Variants in TAX1BP3 observed in about 807,000 individuals in gnomAD.
The protein encoded by TAX1BP3 is tax1-binding protein 3.
TAX1BP3 carries 13 observed loss-of-function variants against 15.3 expected under a neutral mutation model. That is an observed-to-expected ratio of 0.85 (90% confidence interval 0.55 to 1.35). The LOEUF (loss-of-function observed/expected upper bound fraction) is 1.35, where lower values mean the gene tolerates loss of function less well. Ranked by LOEUF, TAX1BP3 falls within the 40% of genes most tolerant of loss-of-function variation. The pLI is 0.00. For missense variants in TAX1BP3, 147 were observed against 169.6 expected (o/e 0.87, Z 0.74); for synonymous variants, 70 against 66.0 (o/e 1.06, Z -0.30).
In TAX1BP3 at chr17:3,663,587, G is replaced by C; in HGVS notation, c.*161C>G. The stretch of plus-strand genomic sequence containing the variant: ...CCGGTCCCAGAGGCCCCAGGCCAGG[G>C]ATGGGAGAAGGGAAGGAAGGCCAGG... On this transcript the variant is annotated 3_prime_UTR_variant, in exon 4 of 4. Coordinates refer to ENST00000225525, the MANE Select transcript of TAX1BP3 (RefSeq NM_014604.4). The C allele has an allele frequency of 1.8e-6, 2 of 1,095,884 alleles. No homozygotes were observed. The highest frequency in any genetic ancestry group is 2.5e-6 in the Non-Finnish European group (2 of 810,416). The allele number at this position is 1,095,884 out of a possible 1,614,324, so 67.9% of individuals were successfully genotyped here. A position where few individuals can be genotyped will look rare whatever the true frequency, so the allele number is the denominator to read the frequency against.
chr17:3,665,787 C>T (rs1050573888), intron 1 of TAX1BP3: 26 of 647,186 alleles, frequency 4.0e-5, no homozygotes, highest in Admixed American at 1.1e-4. Flanking sequence ...AAGGGCTTGC[C>T]GGCCACGGGG....
intron 1 of TAX1BP3, among the ~76,000 whole-genome samples, chr17:3,667,953 G>A: frequency 6.6e-6 from 1 of 152,266 alleles, no homozygotes; most frequent in East Asian, 1.9e-4. Context: ...GCTCATCGCA[G>A]CTATACGAGC....
At position 3,668,145 on chromosome 17, in the gene TAX1BP3, C is replaced by A. The variant is rs767254213; in HGVS notation, c.39+343G>T. ...GGCTGCGACTCATGGACGTCGGGAT[C>A]GGCGCCCGCCCCCAGCAGCTCCCCG... On this transcript the variant is annotated intron_variant, in intron 1 of 3. Coordinates refer to ENST00000225525, the MANE Select transcript of TAX1BP3 (RefSeq NM_014604.4). This position sits in a 1 kb window ranked among gnomAD's most constrained non-coding sequence, Gnocchi z 4.1. 6.6e-6 allele frequency among the ~76,000 whole-genome samples: 1 copy of A among 152,232 alleles called. No homozygotes were observed. The highest frequency in any genetic ancestry group is 1.5e-5 in the Non-Finnish European group (1 of 68,032).
At chr17:3,664,046 C>A in intron 3 of TAX1BP3, 149 bp downstream of exon 3, 5 of 1,417,880 alleles carry the variant, frequency 3.5e-6, no homozygotes, top group Middle Eastern at 4.4e-4. Flanking sequence ...GGAGAGAAAG[C>A]CAGCGTCCTC....
chr17:3,665,872 G>A (rs2076336195), intron 1 of TAX1BP3, among the ~76,000 whole-genome samples: 2 of 152,290 alleles, frequency 1.3e-5, no homozygotes, highest in South Asian at 2.1e-4. Flanking sequence ...ACTGGGAGGC[G>A]AGATGAGGCT....
Position 3,663,866 on chromosome 17 carries a change from G to A in TAX1BP3, c.257C>T (p.Thr86Ile), listed in dbSNP as rs2076309137. ...KIMQVNGWDM[T>I]MVTHDQARKR... is the part of the protein sequence containing the mutation. Reference sequence around the variant, plus strand: ...GCGGGCCTGGTCGTGTGTGACCATGGTCATGTCCCAGCCGTTCACCTGGCC... The same window carrying A: ...GCGGGCCTGGTCGTGTGTGACCATGATCATGTCCCAGCCGTTCACCTGGCC... The change falls in exon 4 of 4, where the codon ACC (threonine) becomes ATC (isoleucine). Residue 86 changes from threonine (T) to isoleucine (I), a missense_variant. By Grantham distance (89) the Thr-to-Ile change is moderately conservative. Transcript: ENST00000225525. 6.2e-7 allele frequency: 1 copy of A among 1,608,894 alleles called. No individual in the cohort carries two copies. The highest frequency in any genetic ancestry group is 8.5e-7 in the Non-Finnish European group (1 of 1,179,866).
At chr17:3,667,694 T>A (rs1401373976) in intron 1 of TAX1BP3, among the ~76,000 whole-genome samples, 1 of 152,204 alleles carries the variant, frequency 6.6e-6, no homozygotes, top group Non-Finnish European at 1.5e-5. Context: ...TGAGCACTTC[T>A]CTCTGGGACT....
rs1457258485 is a variant in TAX1BP3 at position 3,663,843 on chromosome 17, G to A, written c.280C>T (p.Arg94Cys). The A allele has an allele frequency of 2.5e-6, 4 of 1,609,366 alleles. No homozygotes were observed. The highest frequency in any genetic ancestry group is 2.5e-6 in the Non-Finnish European group (3 of 1,179,940). ...TCCGAGCGCTTGGTGAGCCGCTTGC[G>A]GGCCTGGTCGTGTGTGACCATGGTC... ...DMTMVTHDQARKRLTKRSEEV... is the reference protein window; with the variant it reads ...DMTMVTHDQACKRLTKRSEEV... The change falls in exon 4 of 4, where the codon CGC (arginine) becomes TGC (cysteine). Residue 94 changes from arginine (R) to cysteine (C), a missense_variant. Transcript: ENST00000225525.
At chr17:3,666,445 G>A (rs1160422222) in intron 1 of TAX1BP3, among the ~76,000 whole-genome samples, 2 of 152,184 alleles carry the variant, frequency 1.3e-5, no homozygotes, top group African/African-American at 4.8e-5. Context: ...GGAGTCAAGA[G>A]GAGCACCCAG....
At chr17:3,665,764 A>AAAAC in intron 1 of TAX1BP3, 1 of 608,014 alleles carries the variant, frequency 1.6e-6, no homozygotes, top group East Asian at 3.1e-5. Context: ...AAAAAAAAAA[A>AAAAC]AGAAAGGAGA....
rs371259362 is a variant in TAX1BP3, at chr17:3,667,549, C to A, written c.39+939G>T. Among the ~76,000 whole-genome samples the A allele has an allele frequency of 1.5e-4, 23 of 152,306 alleles. 1 individual carries two copies. In the South Asian group the frequency reaches 4.8e-3, roughly 32 times the overall value. On this transcript the variant is annotated intron_variant, in intron 1 of 3. Coordinates refer to ENST00000225525, the MANE Select transcript of TAX1BP3 (RefSeq NM_014604.4). ...AGCACACCCAACTGAGATAACACAC[C>A]CAGTCCCTATGGCTCCAGGGCGGGG... is the stretch of plus-strand genomic sequence containing the variant.
rs1342996893 is a variant in TAX1BP3 at position 3,668,254 on chromosome 17, G to GCA, written c.39+232_39+233dup. Among the ~76,000 whole-genome samples, 1 of 152,164 alleles carries GCA rather than the reference G, an allele frequency of 6.6e-6. No homozygotes were observed. Among genetic ancestry groups the GCA allele is most frequent in the Non-Finnish European group, 1.5e-5 (1 of 68,016 alleles). On this transcript the variant is annotated intron_variant, in intron 1 of 3. Coordinates refer to ENST00000225525, the MANE Select transcript of TAX1BP3 (RefSeq NM_014604.4). The surrounding 1 kb of genome is among the most constrained non-coding windows in gnomAD (Gnocchi z 4.1). ...TTCCCCGTGGCCCTCCCCGCCCTGC[G>GCA]CACGCAGTCTGGGCTCTGTCCAGGG...
chr17:3,666,226 G>GGTGATGGGTA lies in TAX1BP3; in HGVS notation c.40-1438_40-1429dup, dbSNP rs777806466. ...GATTATTTGCACCAGGCTTTGAGGG[G>GGTGATGGGTA]GTGATGGGTAGCCTGACCTTGATCC... is the stretch of plus-strand genomic sequence containing the variant. On this transcript the variant is annotated intron_variant, in intron 1 of 3. Coordinates refer to ENST00000225525, the MANE Select transcript of TAX1BP3 (RefSeq NM_014604.4). Among the ~76,000 whole-genome samples, 54 of 152,338 alleles carry GGTGATGGGTA rather than the reference G, an allele frequency of 3.5e-4. No homozygotes were observed. In the South Asian group the frequency reaches 3.7e-3, roughly 11 times the overall value.
Position 3,663,581 on chromosome 17 carries a change from G to A in TAX1BP3, c.*167C>T, listed in dbSNP as rs779949757. 2.9e-4 allele frequency: 301 copies of A among 1,053,910 alleles called. No homozygotes were observed. The highest frequency in any genetic ancestry group is 6.5e-4 in the Middle Eastern group (2 of 3,072). The allele number at this position is 1,053,910 out of a possible 1,614,324, so 65.3% of individuals were successfully genotyped here. ...AGAAAGCCGGTCCCAGAGGCCCCAGGCCAGGGATGGGAGAAGGGAAGGAAG... is the reference window on the plus strand; with the variant it reads ...AGAAAGCCGGTCCCAGAGGCCCCAGACCAGGGATGGGAGAAGGGAAGGAAG... On this transcript the variant is annotated 3_prime_UTR_variant, in exon 4 of 4. Coordinates refer to ENST00000225525, the MANE Select transcript of TAX1BP3 (RefSeq NM_014604.4).
At position 3,663,173 on chromosome 17, in the gene TAX1BP3, G is replaced by C. The variant is rs149526815; in HGVS notation, c.*575C>G. 3 of 152,450 alleles carry C rather than the reference G, an allele frequency of 2.0e-5. No homozygotes were observed. The highest frequency in any genetic ancestry group is 3.9e-4 in the East Asian group (2 of 5,194). 9.4% of individuals were successfully genotyped at this position (152,450 alleles called of 1,614,324 possible). On this transcript the variant is annotated 3_prime_UTR_variant, in exon 4 of 4. Coordinates refer to ENST00000225525, the MANE Select transcript of TAX1BP3 (RefSeq NM_014604.4). ...TGAGCCTCGAACCTCGTCTAAATCCGTAAGAAGGCAAACCCTGGGGAGGCC... is the reference window on the plus strand; with the variant it reads ...TGAGCCTCGAACCTCGTCTAAATCCCTAAGAAGGCAAACCCTGGGGAGGCC...
rs778584403 is a variant in TAX1BP3 at position 3,668,470 on chromosome 17, C to T, written c.39+18G>A. The T allele has an allele frequency of 3.1e-6, 5 of 1,607,710 alleles. No individual in the cohort carries two copies. In the South Asian group the frequency reaches 5.5e-5, roughly 18 times the overall value. On this transcript the variant is annotated intron_variant, in intron 1 of 3. Transcript: ENST00000225525. This position sits in a 1 kb window ranked among gnomAD's most constrained non-coding sequence, Gnocchi z 4.1. ...GGGTCAGGCCAAGACGAGGAGGAGCCCGCGCAAGCGCACTCACCACCACGG... is the reference window on the plus strand; with the variant it reads ...GGGTCAGGCCAAGACGAGGAGGAGCTCGCGCAAGCGCACTCACCACCACGG...
rs1451989661 is a variant in TAX1BP3 at position 3,668,577 on chromosome 17, G to GT, written c.-52dup. The GT allele has an allele frequency of 6.4e-7, 1 of 1,563,086 alleles. No individual in the cohort carries two copies. Among genetic ancestry groups the GT allele is most frequent in the African/African-American group, 1.4e-5 (1 of 72,374 alleles). ...GCCGCTCCGAGAAGCCGGCAGCAGA[G>GT]TACCCGCGGTCGCGCCCTCGCTGCT... is the stretch of plus-strand genomic sequence containing the variant. On this transcript the variant is annotated 5_prime_UTR_variant, in exon 1 of 4. Coordinates refer to ENST00000225525, the MANE Select transcript of TAX1BP3 (RefSeq NM_014604.4). This position sits in a 1 kb window ranked among gnomAD's most constrained non-coding sequence, Gnocchi z 4.1.
Position 3,668,350 on chromosome 17 carries a change from G to T in TAX1BP3, c.39+138C>A. ...GGGAACTGCGGCCCGCTCCGGCAAAGCGGGGACCCGAGCCCTTGCCGCCGG... is the reference window on the plus strand; with the variant it reads ...GGGAACTGCGGCCCGCTCCGGCAAATCGGGGACCCGAGCCCTTGCCGCCGG... On this transcript the variant is annotated intron_variant, in intron 1 of 3. Transcript: ENST00000225525. This position sits in a 1 kb window ranked among gnomAD's most constrained non-coding sequence, Gnocchi z 4.1. 1 of 1,163,960 alleles carries T rather than the reference G, an allele frequency of 8.6e-7. No individual in the cohort carries two copies. The highest frequency in any genetic ancestry group is 1.2e-6 in the Non-Finnish European group (1 of 845,924). 72.1% of individuals were successfully genotyped at this position (1,163,960 alleles called of 1,614,324 possible). A position where few individuals can be genotyped will look rare whatever the true frequency, so the allele number is the denominator to read the frequency against.
Position 3,664,185 on chromosome 17 carries a change from C to T in TAX1BP3, c.237+10G>A, listed in dbSNP as rs2076313134. On this transcript the variant is annotated intron_variant, in intron 3 of 3. Transcript: ENST00000225525. ...AAACCTTGTTTCTCCTCCTTTGGGA[C>T]ACCTGTTACCTGCATGATCTTGTCT... The T allele has an allele frequency of 1.2e-6, 2 of 1,614,018 alleles. No individual in the cohort carries two copies. The highest frequency in any genetic ancestry group is 1.3e-5 in the African/African-American group (1 of 74,950).
Sources: allele counts gnomAD v4.1 joint callset (sites outside exome capture counted in the v4.1 genomes callset), GRCh38; gene constraint gnomAD v4.1.1; non-coding constraint Gnocchi (gnomAD v3.1); transcripts MANE v1.5; gene names NCBI Gene and HGNC (gene_info 2026-07-23, HGNC 2026-07-21).